The following MYH15 variants were observed in gnomAD, a reference collection of about 807,000 sequenced individuals.
MYH15 encodes the protein myosin heavy chain 15, also known as myosin-15.
In MYH15, 227 loss-of-function variants were observed where a neutral mutation model predicts 240.5. That is an observed-to-expected ratio of 0.94 (90% CI 0.85 to 1.05). The LOEUF (loss-of-function observed/expected upper bound fraction) is 1.05. Among genes scored for constraint, MYH15 ranks in the 50% least tolerant of loss-of-function variants. The probability of loss-of-function intolerance (pLI) is 0.00; values close to 1 mark genes in which losing one functional copy is unlikely to be tolerated. For synonymous variants in MYH15, 785 were observed against 796.7 expected (o/e 0.99, Z 0.25); for missense variants, 2,217 against 2,247.5 (o/e 0.99, Z 0.27).
At chr3:108,433,947 C>T (rs2082803166) in intron 25 of MYH15, among the ~76,000 whole-genome samples, 2 of 152,154 alleles carry the variant, frequency 1.3e-5, no homozygotes, top group South Asian at 4.1e-4. Context: ...AATTTAAGTA[C>T]TGACATATGT....
chr3:108,413,599 A>G (rs1210146208), intron 30 of MYH15, among the ~76,000 whole-genome samples: 1 of 152,182 alleles, frequency 6.6e-6, no homozygotes, highest in Admixed American at 6.5e-5. Flanking sequence ...ATACCCTGGT[A>G]CTGAGTCTCA....
At chr3:108,438,277 A>G (rs2082858420) in intron 24 of MYH15, among the ~76,000 whole-genome samples, 1 of 152,146 alleles carries the variant, frequency 6.6e-6, no homozygotes, top group South Asian at 2.1e-4. Context: ...TCATAACATT[A>G]TGTCATATTC....
At chr3:108,442,792 C>A (rs956414345) in intron 22 of MYH15, among the ~76,000 whole-genome samples, 2 of 141,296 alleles carry the variant, frequency 1.4e-5, no homozygotes, top group Non-Finnish European at 3.1e-5. Context: ...TTTTTGGATT[C>A]TTTTGTGTTT....
chr3:108,468,590 C>T (rs536753355), intron 14 of MYH15, among the ~76,000 whole-genome samples: 21 of 152,314 alleles, frequency 1.4e-4, no homozygotes, highest in African/African-American at 4.8e-4. Context: ...AAACCAAAGA[C>T]TTATCTTTTC....
At chr3:108,406,587 G>C (rs1304900316) in intron 32 of MYH15, among the ~76,000 whole-genome samples, 1 of 152,132 alleles carries the variant, frequency 6.6e-6, no homozygotes, top group African/African-American at 2.4e-5. Flanking sequence ...TGAATCTTTA[G>C]GGAACATGAC....
chr3:108,492,667 C>A, intron 8 of MYH15, 72 bp from the exon 9 acceptor site: 1 of 1,144,584 alleles, frequency 8.7e-7, no homozygotes, highest in Non-Finnish European at 1.3e-6. Context: ...AGTAATCAGG[C>A]TGAGCGCAGT....
At chr3:108,423,209 T>A (rs928966184) in intron 27 of MYH15, among the ~76,000 whole-genome samples, 6 of 152,156 alleles carry the variant, frequency 3.9e-5, no homozygotes, top group Non-Finnish European at 7.4e-5. Context: ...GCGTGAAGTT[T>A]CCGAGGCTCC....
intron 28 of MYH15, among the ~76,000 whole-genome samples, chr3:108,418,044 T>C (rs2107552830): frequency 6.6e-6 from 1 of 152,362 alleles, no homozygotes; most frequent in East Asian, 1.9e-4. Flanking sequence ...ATTTTGTTAT[T>C]GGCAACAAAT....
In MYH15 at chr3:108,430,767, TGAACCACCA is replaced by T. The variant is rs2082771898; in HGVS notation, c.3312+56_3312+64del. On this transcript the variant is annotated intron_variant, in intron 26 of 40. Coordinates refer to ENST00000693548, the MANE Select transcript of MYH15 (RefSeq NM_014981.3). ...AATACCTTGGCAGAGAATTAGTCAT[TGAACCACCA>T]GTCATCACCCATGGATCTAAATATA... is the stretch of plus-strand genomic sequence containing the variant. 7.5e-5 allele frequency: 96 copies of T among 1,273,720 alleles called. 2 individuals carry two copies. The South Asian group carries it at 1.1e-3, about 15-fold the overall frequency. 78.9% of individuals were successfully genotyped at this position (1,273,720 alleles called of 1,614,324 possible).
intron 1 of MYH15, among the ~76,000 whole-genome samples, chr3:108,507,472 T>C: frequency 6.6e-6 from 1 of 151,676 alleles, no homozygotes; most frequent in Admixed American, 6.6e-5. Context: ...ACCTCCAATA[T>C]ATGAGTCACA....
At chr3:108,499,803 T>C (rs1268632546) in intron 4 of MYH15, among the ~76,000 whole-genome samples, 1 of 152,204 alleles carries the variant, frequency 6.6e-6, no homozygotes. Context: ...TAGAATAACT[T>C]CTTTGTGCCA....
chr3:108,456,376 C>T (rs1245381150), intron 19 of MYH15, among the ~76,000 whole-genome samples: 1 of 152,188 alleles, frequency 6.6e-6, no homozygotes, highest in Non-Finnish European at 1.5e-5. Context: ...GCCACTCCTG[C>T]CTCCTGCCAT....
At chr3:108,383,875 T>C in intron 39 of MYH15, 146 bp from the exon 40 acceptor site, 2 of 639,904 alleles carry the variant, frequency 3.1e-6, no homozygotes, top group Non-Finnish European at 2.4e-6. Context: ...TTTGGTATGA[T>C]ATATTAGGAT....
At chr3:108,487,957 T>G (rs949787922) in intron 9 of MYH15, among the ~76,000 whole-genome samples, 1 of 152,216 alleles carries the variant, frequency 6.6e-6, no homozygotes, top group African/African-American at 2.4e-5. Context: ...TTTTTTAAAT[T>G]GACAATTTAA....
chr3:108,453,051 C>T (rs1215073110), intron 21 of MYH15, among the ~76,000 whole-genome samples: 1 of 152,126 alleles, frequency 6.6e-6, no homozygotes, highest in South Asian at 2.1e-4. Context: ...TTTTTATTTA[C>T]TTGAGAGCTT....
At chr3:108,431,723 T>C (rs2107562289) in intron 25 of MYH15, among the ~76,000 whole-genome samples, 1 of 152,172 alleles carries the variant, frequency 6.6e-6, no homozygotes, top group African/African-American at 2.4e-5. Context: ...TAGGCAGAGG[T>C]TGGAACAGTT....
chr3:108,441,685 G>C (rs1454289820), intron 22 of MYH15, among the ~76,000 whole-genome samples: 1 of 152,184 alleles, frequency 6.6e-6, no homozygotes, highest in Non-Finnish European at 1.5e-5. Flanking sequence ...ATATTGCACT[G>C]TAACTGTTAT....
At chr3:108,507,584 G>A (rs1395778176) in intron 1 of MYH15, among the ~76,000 whole-genome samples, 1 of 152,098 alleles carries the variant, frequency 6.6e-6, no homozygotes, top group Non-Finnish European at 1.5e-5. Context: ...CTGAAGTTGG[G>A]CACCATTTGC....
At position 108,501,818 on chromosome 3, in the gene MYH15, T is replaced by G; in HGVS notation, c.233A>C (p.Asn78Thr). ...TTCAATCATTTCAAACTCTGGAGGA[T>G]TCATCTGCTGGATTTTGTCCTCCTT... ...SIKEDKIQQM[N>T]PPEFEMIEDM... The change falls in exon 3 of 41, where the codon AAT becomes ACT. Residue 78 changes from asparagine (N) to threonine (T), a missense_variant. Coordinates refer to ENST00000693548, the MANE Select transcript of MYH15 (RefSeq NM_014981.3). 6.2e-7 allele frequency: 1 copy of G among 1,614,112 alleles called. No homozygotes were observed. The highest frequency in any genetic ancestry group is 8.5e-7 in the Non-Finnish European group (1 of 1,179,960).
Sources: gnomAD v4.1 joint callset for allele counts (sites outside exome capture counted in the v4.1 genomes callset) on GRCh38, gnomAD v4.1.1 for gene constraint, MANE v1.5 for transcripts, NCBI Gene and HGNC (gene_info 2026-07-23, HGNC 2026-07-21) for gene names.